Variants in P2RX5 observed in about 807,000 individuals in gnomAD.
P2RX5 encodes the protein purinergic receptor P2X 5.
A neutral mutation model predicts 54.1 loss-of-function variants in P2RX5; 46 were observed. The ratio of observed to expected loss-of-function variants is 0.85; its 90% CI spans 0.67 to 1.09. The LOEUF is 1.09. Ranked by LOEUF, P2RX5 falls within the 50% of genes least tolerant of loss-of-function variation. The probability of loss-of-function intolerance (pLI) is 0.00; values close to 1 mark genes in which losing one functional copy is unlikely to be tolerated. For missense variants in P2RX5, 566 were observed against 549.8 expected (o/e 1.03, Z -0.29); for synonymous variants, 226 against 226.4 (o/e 1.00, Z 0.02).
chr17:3,704,757 G>A, the P2RX5 span, among the ~76,000 whole-genome samples: 499 of 152,244 alleles, frequency 3.3e-3, 1 homozygote, highest in African/African-American at 0.011. Flanking sequence ...CTGTAATCCC[G>A]GCACTTTGGA....
At chr17:3,695,847 C>T in intron 1 of P2RX5, 22 bp downstream of exon 1, 1 of 1,612,192 alleles carries the variant, frequency 6.2e-7, no homozygotes, top group Middle Eastern at 1.7e-4. Flanking sequence ...CCCGCCTTCC[C>T]AAAAGTCCGC....
chr17:3,677,097 C>G (rs1014674239), intron 11 of P2RX5: 5 of 985,168 alleles, frequency 5.1e-6, no homozygotes, highest in Non-Finnish European at 6.0e-6. Flanking sequence ...GGCCCTACAG[C>G]GATGGAGGCA....
chr17:3,679,934 G>C lies in P2RX5; in HGVS notation c.1065-150C>G, dbSNP rs1214696477. 7.1e-6 allele frequency: 5 copies of C among 705,834 alleles called. No homozygotes were observed. In the East Asian group the frequency reaches 8.2e-5, roughly 12 times the overall value. The allele number at this position is 705,834 out of a possible 1,614,324, so 43.7% of individuals were successfully genotyped here. A position where few individuals can be genotyped will look rare whatever the true frequency, so the allele number is the denominator to read the frequency against. On this transcript the variant is annotated intron_variant, in intron 10 of 11. Coordinates refer to ENST00000225328, the MANE Select transcript of P2RX5 (RefSeq NM_002561.4). ...GTCCTCCACCCTGCTTCCTCCATGC[G>C]GCTCCCTCCACCCTGCATCCTCCAC...
intron 11 of P2RX5, chr17:3,677,267 G>C (rs1273314159): frequency 1.0e-6 from 1 of 985,330 alleles, no homozygotes; most frequent in African/African-American, 1.7e-5. Flanking sequence ...TCTGAGGAGG[G>C]GTGGGGAGGG....
rs757995161 is a variant in P2RX5 at position 3,690,617 on chromosome 17, T to C, written c.424A>G (p.Thr142Ala). 15 of 1,613,596 alleles carry C rather than the reference T, an allele frequency of 9.3e-6. No individual in the cohort carries two copies. The highest frequency in any genetic ancestry group is 1.2e-5 in the Non-Finnish European group (14 of 1,180,018). ...DSDCHAGEAV[T>A]AGNGVKTGRC... ...TCCAGGCCCTCACCGTTTCCAGCTGTAACCGCTTCCCCAGCGTGGCAGTCG... is the reference window on the plus strand; with the variant it reads ...TCCAGGCCCTCACCGTTTCCAGCTGCAACCGCTTCCCCAGCGTGGCAGTCG... The change falls in exon 4 of 12, where the codon ACA becomes GCA. Residue 142 changes from threonine (T) to alanine (A), a missense_variant. Physicochemically the swap from Thr to Ala is moderately conservative, Grantham distance 58. Coordinates refer to ENST00000225328, the MANE Select transcript of P2RX5 (RefSeq NM_002561.4).
upstream of P2RX5, among the ~76,000 whole-genome samples, chr17:3,699,962 GAAAGAAAGAA>G (rs1213737671): frequency 7.3e-6 from 1 of 136,630 alleles, no homozygotes; most frequent in Non-Finnish European, 1.7e-5. Context: ...AAGAAAGAAA[GAAAGAAAGAA>G]AGAAAATTAG....
At chr17:3,716,835 G>T in the P2RX5 span, 1 of 1,214,874 alleles carries the variant, frequency 8.2e-7, no homozygotes, top group Non-Finnish European at 1.2e-6. Context: ...TAAATCAGGT[G>T]AAGCAAACAA....
At chr17:3,688,299 C>T (rs1370675920) in intron 8 of P2RX5, among the ~76,000 whole-genome samples, 194 bp from the exon 9 acceptor site, 1 of 152,198 alleles carries the variant, frequency 6.6e-6, no homozygotes, top group Non-Finnish European at 1.5e-5. Context: ...CCCTGCCAGA[C>T]ATTCCCTGAG....
intron 9 of P2RX5, chr17:3,682,246 T>G: frequency 2.1e-6 from 1 of 480,034 alleles, no homozygotes; most frequent in East Asian, 4.0e-5. Context: ...CATCCAATCG[T>G]TCCTTCAACA....
intron 11 of P2RX5, chr17:3,676,406 G>A (rs1444630973): frequency 2.0e-6 from 2 of 984,534 alleles, no homozygotes; most frequent in Non-Finnish European, 2.4e-6. Flanking sequence ...GGCTGCCTCT[G>A]GGGAACCGGG....
intron 9 of P2RX5, among the ~76,000 whole-genome samples, chr17:3,684,509 G>A (rs554860169): frequency 6.6e-6 from 1 of 152,318 alleles, no homozygotes; most frequent in South Asian, 2.1e-4. Flanking sequence ...GGCTGAGGTG[G>A]GAGGATCGCT....
the P2RX5 span, among the ~76,000 whole-genome samples, chr17:3,719,234 T>TAAAAAAAAAAAAAAAAAAAAAAAAAAAAA: frequency 2.9e-5 from 1 of 34,836 alleles, no homozygotes; most frequent in African/African-American, 1.2e-4. Flanking sequence ...AGATTCTTCC[T>TAAAAAAAAAAAAAAAAAAAAAAAAAAAAA]CAAAAAAAAA....
At chr17:3,702,898 G>A in the P2RX5 span, among the ~76,000 whole-genome samples, 59,362 of 152,032 alleles carry the variant, frequency 0.39, 13,794 homozygotes, top group South Asian at 0.61. Context: ...GTCTATTATT[G>A]TGGTCTGGAC....
chr17:3,690,093 A>G lies in P2RX5; in HGVS notation c.591T>C (p.Arg197=), dbSNP rs575593757. Residue 197 remains arginine (R), a synonymous_variant, in exon 6 of 12, where the codon CGT becomes CGC. Coordinates refer to ENST00000225328, the MANE Select transcript of P2RX5 (RefSeq NM_002561.4). ...ACTTGGAGAAGTTGAATTTGGGGAAACGGATGTGGTTCTTTATGAAAATGG... is the reference window on the plus strand; with the variant it reads ...ACTTGGAGAAGTTGAATTTGGGGAAGCGGATGTGGTTCTTTATGAAAATGG... ...DFTIFIKNHI[R]FPKFNFSKSN... 68 of 1,614,168 alleles carry G rather than the reference A, an allele frequency of 4.2e-5. No homozygotes were observed. The South Asian group carries it at 6.8e-4, about 16-fold the overall frequency.
chr17:3,720,005 C>T, the P2RX5 span, among the ~76,000 whole-genome samples: 1 of 152,172 alleles, frequency 6.6e-6, no homozygotes, highest in Admixed American at 6.5e-5. Flanking sequence ...GGATTACAGG[C>T]GTGAGCCACC....
intron 9 of P2RX5, among the ~76,000 whole-genome samples, chr17:3,683,868 T>G (rs1011402541): frequency 1.2e-4 from 19 of 152,040 alleles, no homozygotes; most frequent in African/African-American, 4.6e-4. Flanking sequence ...CTTGACCCCC[T>G]CCCAGGAACG....
At chr17:3,710,703 G>A in the P2RX5 span, among the ~76,000 whole-genome samples, 1 of 151,876 alleles carries the variant, frequency 6.6e-6, no homozygotes, top group South Asian at 2.1e-4. Context: ...CGAGGTGAGC[G>A]GATCACTTGA....
intron 9 of P2RX5, among the ~76,000 whole-genome samples, chr17:3,683,079 G>A (rs1166772716): frequency 6.6e-6 from 1 of 152,068 alleles, no homozygotes; most frequent in Non-Finnish European, 1.5e-5. Flanking sequence ...ATGATGAGGT[G>A]GACGACCCCA....
At chr17:3,708,660 C>T in the P2RX5 span, among the ~76,000 whole-genome samples, 1 of 152,156 alleles carries the variant, frequency 6.6e-6, no homozygotes, top group African/African-American at 2.4e-5. Flanking sequence ...AGAGCAATTA[C>T]AAAAAGTTTT....
Sources: allele counts gnomAD v4.1 joint callset (sites outside exome capture counted in the v4.1 genomes callset), GRCh38; gene constraint gnomAD v4.1.1; transcripts MANE v1.5; gene names NCBI Gene and HGNC (gene_info 2026-07-23, HGNC 2026-07-21).